Variants in CHODL observed in about 807,000 individuals in gnomAD.
CHODL encodes the protein transmembrane protein MT75.
In CHODL, 29 loss-of-function variants were observed where a neutral mutation model predicts 34.5. The observed-to-expected ratio is 0.84, with a 90% confidence interval of 0.63 to 1.15. CHODL has a LOEUF of 1.15. Ranked by LOEUF, CHODL falls within the 50% of genes most tolerant of loss-of-function variation. The probability of loss-of-function intolerance (pLI) is 0.00; values close to 1 mark genes in which losing one functional copy is unlikely to be tolerated. For synonymous variants in CHODL, 125 were observed against 116.1 expected, an observed-to-expected ratio of 1.08 and a Z score of -0.49; for missense variants, 332 against 332.5, an observed-to-expected ratio of 1.00 and a Z score of 0.01.
chr21:18,068,771 A>C (rs1199257778), intron 2 of CHODL, among the ~76,000 whole-genome samples: 1 of 151,744 alleles, frequency 6.6e-6, no homozygotes, highest in Non-Finnish European at 1.5e-5. Context: ...CAATATTATA[A>C]GGAAATTTCT....
chr21:18,135,109 C>T (rs2072704721), intron 2 of CHODL, among the ~76,000 whole-genome samples: 2 of 152,150 alleles, frequency 1.3e-5, no homozygotes, highest in South Asian at 4.1e-4. Context: ...AAGTAAATGG[C>T]ACTCTCTATC....
At chr21:18,072,088 G>A (rs952017070) in intron 2 of CHODL, among the ~76,000 whole-genome samples, 1 of 151,868 alleles carries the variant, frequency 6.6e-6, no homozygotes, top group Non-Finnish European at 1.5e-5. Context: ...AATAGTAAAT[G>A]TAAAAAATAT....
chr21:18,188,632 G>C (rs1008556), intron 2 of CHODL, among the ~76,000 whole-genome samples: 3 of 152,030 alleles, frequency 2.0e-5, no homozygotes, highest in African/African-American at 7.2e-5. Flanking sequence ...ATTGGGATAT[G>C]TTGACGTTTT....
At chr21:18,024,322 T>C (rs2064153971) in intron 1 of CHODL, among the ~76,000 whole-genome samples, 1 of 152,172 alleles carries the variant, frequency 6.6e-6, no homozygotes, top group African/African-American at 2.4e-5. Context: ...TATATCCTGG[T>C]ATAGATAGAC....
chr21:18,235,191 G>A (rs902156553), intron 2 of CHODL, among the ~76,000 whole-genome samples: 1 of 152,058 alleles, frequency 6.6e-6, no homozygotes, highest in Non-Finnish European at 1.5e-5. Flanking sequence ...GGCCACAAAT[G>A]AGGGACAAAG....
intron 2 of CHODL, among the ~76,000 whole-genome samples, chr21:18,109,454 C>G (rs1201922928): frequency 6.6e-6 from 1 of 152,072 alleles, no homozygotes; most frequent in Admixed American, 6.6e-5. Flanking sequence ...GCCATAGAAA[C>G]AGTAGGACTA....
At position 18,025,977 on chromosome 21, in the gene CHODL, G is replaced by A. The variant is rs1205782286; in HGVS notation, c.-144-1895G>A. ...ATGCTGTTACATTCTGACATACTGG[G>A]GATTGGGACTTCAACATATAAATTT... On this transcript the variant is annotated intron_variant, in intron 1 of 6. Transcript: ENST00000400127. Among the ~76,000 whole-genome samples, 4 of 152,090 alleles carry A rather than the reference G, an allele frequency of 2.6e-5. No individual in the cohort carries two copies. In the East Asian group the frequency reaches 7.7e-4, roughly 29 times the overall value.
At chr21:18,026,247 A>G (rs1461177336) in intron 1 of CHODL, among the ~76,000 whole-genome samples, 2 of 152,156 alleles carry the variant, frequency 1.3e-5, no homozygotes, top group Non-Finnish European at 2.9e-5. Flanking sequence ...CAGATGCCAC[A>G]TTTGCTACTA....
At chr21:17,966,632 A>T (rs2824581) in intron 1 of CHODL, among the ~76,000 whole-genome samples, 92,560 of 152,048 alleles carry the variant, frequency 0.61, 29,350 homozygotes, top group East Asian at 0.79. Context: ...AGTTGTTTTC[A>T]TGTATCTGCA....
At chr21:17,941,447 CTTT>C (rs75876564) in intron 1 of CHODL, among the ~76,000 whole-genome samples, 1 of 121,228 alleles carries the variant, frequency 8.2e-6, no homozygotes, top group African/African-American at 3.1e-5. Flanking sequence ...AGGAGCTGGG[CTTT>C]TTTTTTTTTT....
intron 3 of CHODL, among the ~76,000 whole-genome samples, chr21:18,259,244 CT>C (rs917076369): frequency 6.6e-6 from 1 of 151,716 alleles, no homozygotes; most frequent in South Asian, 2.1e-4. Context: ...AATTTACAGG[CT>C]TTTTTTTAAA....
At chr21:18,021,827 C>T (rs559585205) in intron 1 of CHODL, among the ~76,000 whole-genome samples, 1 of 151,888 alleles carries the variant, frequency 6.6e-6, no homozygotes, top group African/African-American at 2.4e-5. Context: ...GAACCCAAGT[C>T]ATTCCCCACA....
intron 3 of CHODL, among the ~76,000 whole-genome samples, chr21:18,259,092 G>T (rs1403962480): frequency 2.0e-5 from 3 of 151,972 alleles, no homozygotes; most frequent in East Asian, 3.9e-4. Context: ...AACAAAGGGG[G>T]ACTCTGTGAC....
intron 5 of CHODL, among the ~76,000 whole-genome samples, chr21:18,265,528 A>G (rs2074448587): frequency 6.6e-6 from 1 of 152,086 alleles, no homozygotes; most frequent in South Asian, 2.1e-4. Context: ...AGAGGGAAAG[A>G]GTAGGAAGGG....
intron 1 of CHODL, among the ~76,000 whole-genome samples, chr21:17,968,110 G>T (rs1288519286): frequency 6.6e-6 from 1 of 152,290 alleles, no homozygotes; most frequent in Non-Finnish European, 1.5e-5. Flanking sequence ...CTTTTGCCTA[G>T]GTCTGTTGAG....
chr21:18,098,674 C>T (rs2065171399), intron 2 of CHODL, among the ~76,000 whole-genome samples: 1 of 152,050 alleles, frequency 6.6e-6, no homozygotes, highest in South Asian at 2.1e-4. Context: ...GGAGGTCCCT[C>T]AAAAAACTAA....
chr21:18,151,846 A>T (rs1215889468), intron 2 of CHODL, among the ~76,000 whole-genome samples: 1 of 152,204 alleles, frequency 6.6e-6, no homozygotes, highest in Non-Finnish European at 1.5e-5. Flanking sequence ...TTGAGAGCAG[A>T]GGAAAAACAG....
chr21:17,971,419 C>T (rs530161090), intron 1 of CHODL, among the ~76,000 whole-genome samples: 13 of 152,210 alleles, frequency 8.5e-5, no homozygotes, highest in South Asian at 4.2e-4. Flanking sequence ...TTTTAATGAT[C>T]GCCATTCTAA....
chr21:18,052,107 A>G (rs1047857677), intron 2 of CHODL, among the ~76,000 whole-genome samples: 2 of 151,946 alleles, frequency 1.3e-5, no homozygotes, highest in Non-Finnish European at 2.9e-5. Context: ...GCTCCCAAGA[A>G]TAAAGAAAGA....
Sources: gnomAD v4.1 joint callset for allele counts (sites outside exome capture counted in the v4.1 genomes callset) on GRCh38, gnomAD v4.1.1 for gene constraint, MANE v1.5 for transcripts, NCBI Gene and HGNC (gene_info 2026-07-23, HGNC 2026-07-21) for gene names.